The following SLC6A11 variants were observed in gnomAD, a reference collection of about 807,000 sequenced individuals.
SLC6A11 encodes solute carrier family 6 member 11.
In SLC6A11, 25 loss-of-function variants were observed where a neutral mutation model predicts 74.8. The ratio of observed to expected loss-of-function variants is 0.33; its 90% CI spans 0.24 to 0.47. The LOEUF (loss-of-function observed/expected upper bound fraction) is 0.47. Ranked by LOEUF, SLC6A11 falls within the 20% of genes least tolerant of loss-of-function variation. The probability of loss-of-function intolerance (pLI) is 1.00; values close to 1 mark genes in which losing one functional copy is unlikely to be tolerated. For missense variants in SLC6A11, 574 were observed against 837.0 expected (o/e 0.69, Z 3.88); for synonymous variants, 330 against 330.2 (o/e 1.00, Z 0.01).
At chr3:10,894,407 G>A (rs1472408005) in intron 6 of SLC6A11, among the ~76,000 whole-genome samples, 1 of 152,172 alleles carries the variant, frequency 6.6e-6, no homozygotes, top group African/African-American at 2.4e-5. Context: ...CTGGACATTG[G>A]GCCTGCAGAG....
At chr3:10,887,836 T>C (rs1695063247) in intron 6 of SLC6A11, among the ~76,000 whole-genome samples, 1 of 152,224 alleles carries the variant, frequency 6.6e-6, no homozygotes, top group Non-Finnish European at 1.5e-5. Context: ...TCTGCAGATA[T>C]GCAGGAAATG....
intron 6 of SLC6A11, among the ~76,000 whole-genome samples, chr3:10,886,301 A>G (rs116141124): frequency 3.7e-3 from 571 of 152,314 alleles, no homozygotes; most frequent in African/African-American, 0.013. Context: ...TTCAGGATTC[A>G]AATCAAGACT....
At chr3:10,898,816 A>G (rs1695202170) in intron 6 of SLC6A11, among the ~76,000 whole-genome samples, 1 of 152,152 alleles carries the variant, frequency 6.6e-6, no homozygotes, top group Non-Finnish European at 1.5e-5. Context: ...CCCACTACCA[A>G]TACCAATTTA....
intron 6 of SLC6A11, among the ~76,000 whole-genome samples, chr3:10,883,031 G>A (rs979128039): frequency 4.0e-4 from 61 of 152,216 alleles, no homozygotes; most frequent in African/African-American, 1.3e-3. Flanking sequence ...GACGAGTCAG[G>A]GCCCCACAGC....
chr3:10,882,985 C>A (rs528237937), intron 6 of SLC6A11, among the ~76,000 whole-genome samples: 1 of 152,268 alleles, frequency 6.6e-6, no homozygotes, highest in Admixed American at 6.5e-5. Context: ...CGGTGGCAGT[C>A]CTCATTTTTG....
intron 8 of SLC6A11, among the ~76,000 whole-genome samples, chr3:10,922,200 C>G (rs1389324442): frequency 6.6e-6 from 1 of 152,160 alleles, no homozygotes; most frequent in Non-Finnish European, 1.5e-5. Context: ...ATGGAACATT[C>G]ACCAAGATAG....
At chr3:10,834,555 A>G (rs750175) in intron 4 of SLC6A11, among the ~76,000 whole-genome samples, 19,299 of 151,644 alleles carry the variant, frequency 0.13, 1,699 homozygotes, top group South Asian at 0.33. Flanking sequence ...GAGCAGAATA[A>G]CTCGACCAGG....
intron 8 of SLC6A11, among the ~76,000 whole-genome samples, chr3:10,925,302 C>T (rs1297893922): frequency 1.3e-5 from 2 of 152,234 alleles, no homozygotes; most frequent in African/African-American, 2.4e-5. Context: ...ACTGAATTCT[C>T]AAAACCACTT....
chr3:10,910,429 C>G (rs1695371310), intron 6 of SLC6A11, among the ~76,000 whole-genome samples: 1 of 152,012 alleles, frequency 6.6e-6, no homozygotes, highest in Admixed American at 6.6e-5. Context: ...CTGCGTGCCC[C>G]CAGAACGAGG....
At chr3:10,885,682 A>G (rs1020971860) in intron 6 of SLC6A11, among the ~76,000 whole-genome samples, 3 of 151,584 alleles carry the variant, frequency 2.0e-5, no homozygotes, top group South Asian at 4.2e-4. Context: ...TCTTGCTCCT[A>G]TGGTGAGGTC....
chr3:10,881,411 G>A (rs903140300), intron 6 of SLC6A11, among the ~76,000 whole-genome samples: 1 of 152,192 alleles, frequency 6.6e-6, no homozygotes, highest in Non-Finnish European at 1.5e-5. Flanking sequence ...GCGAGACTCC[G>A]TCTCAAAAAT....
rs1265807078 is a variant in SLC6A11, at chr3:10,934,174, C to A, written c.1575+8C>A. Reference sequence around the variant, plus strand: ...ACCCCTGGGATCTGCGCGGTAAGGGCCCCACCAGGAGCCACCTCCAGCCAT... The same window carrying A: ...ACCCCTGGGATCTGCGCGGTAAGGGACCCACCAGGAGCCACCTCCAGCCAT... On this transcript the variant is annotated splice_region_variant and intron_variant, in intron 12 of 13. Transcript: ENST00000254488. 1.3e-6 allele frequency: 2 copies of A among 1,594,436 alleles called. No homozygotes were observed. The highest frequency in any genetic ancestry group is 8.6e-7 in the Non-Finnish European group (1 of 1,162,252).
chr3:10,927,830 G>A (rs781729607), intron 9 of SLC6A11, among the ~76,000 whole-genome samples: 26 of 152,204 alleles, frequency 1.7e-4, no homozygotes, highest in Non-Finnish European at 3.2e-4. Flanking sequence ...GGAGGCAGAG[G>A]TGAATCAGAA....
chr3:10,840,491 C>A (rs990032592), intron 4 of SLC6A11, among the ~76,000 whole-genome samples: 1 of 152,246 alleles, frequency 6.6e-6, no homozygotes, highest in East Asian at 1.9e-4. Flanking sequence ...ACCACGGGCT[C>A]TTTAAAGACC....
rs769899611 is a variant in SLC6A11 at position 10,935,031 on chromosome 3, G to A, written c.1578G>A (p.Gly526=). The A allele has an allele frequency of 4.3e-6, 7 of 1,613,546 alleles. No homozygotes were observed. In the African/African-American group the frequency reaches 8.0e-5, roughly 18 times the overall value. ...WMIMTPGICA[G]IFIFFLIKYK... Reference sequence around the variant, plus strand: ...CACCTGCCCCCATCTCTCTGCAGGGGATCTTCATCTTCTTCTTGATCAAGT... The same window carrying A: ...CACCTGCCCCCATCTCTCTGCAGGGAATCTTCATCTTCTTCTTGATCAAGT... Residue 526 remains glycine, a splice_region_variant and synonymous_variant, in exon 13 of 14, where the codon GGG becomes GGA. Transcript: ENST00000254488.
intron 12 of SLC6A11, among the ~76,000 whole-genome samples, chr3:10,934,701 G>A (rs188941864): frequency 2.0e-5 from 3 of 152,334 alleles, no homozygotes; most frequent in Admixed American, 2.0e-4. Context: ...CCAGTCCCGA[G>A]GAGTAACTAG....
chr3:10,866,247 C>T (rs1017873660), intron 5 of SLC6A11, among the ~76,000 whole-genome samples: 1 of 152,214 alleles, frequency 6.6e-6, no homozygotes, highest in Non-Finnish European at 1.5e-5. Context: ...CCTTTAAGGA[C>T]TTGACCTGGA....
At chr3:10,920,954 C>T (rs1347080547) in intron 8 of SLC6A11, among the ~76,000 whole-genome samples, 2 of 152,224 alleles carry the variant, frequency 1.3e-5, no homozygotes, top group East Asian at 3.8e-4. Flanking sequence ...TATGTAGTCA[C>T]CTCACCTTTC....
In SLC6A11 at chr3:10,905,077, C is replaced by T. The variant is rs142448723; in HGVS notation, c.892-7013C>T. 5.0e-3 allele frequency among the ~76,000 whole-genome samples: 758 copies of T among 152,310 alleles called. 2 individuals are homozygous for T. The highest frequency in any genetic ancestry group is 8.3e-3 in the Non-Finnish European group (564 of 68,038). The stretch of plus-strand genomic sequence containing the variant: ...TTTTACTAGACTTTCTTTCCCCTTT[C>T]GTCAAATCATTCTAATGCCCACCAT... On this transcript the variant is annotated intron_variant, in intron 6 of 13. Coordinates refer to ENST00000254488, the MANE Select transcript of SLC6A11 (RefSeq NM_014229.3).
Sources: allele counts gnomAD v4.1 joint callset (sites outside exome capture counted in the v4.1 genomes callset), GRCh38; gene constraint gnomAD v4.1.1; transcripts MANE v1.5; gene names NCBI Gene and HGNC (gene_info 2026-07-23, HGNC 2026-07-21).